KIAA1217: variants seen among roughly 807,000 people sequenced by gnomAD.
The protein encoded by KIAA1217 is sickle tail protein homolog.
KIAA1217 carries 88 observed loss-of-function variants against 163.9 expected under a neutral mutation model. The ratio of observed to expected loss-of-function variants is 0.54; its 90% CI spans 0.45 to 0.64. The LOEUF is 0.64. Among genes scored for constraint, KIAA1217 ranks in the 30% least tolerant of loss-of-function variants. The pLI is 0.00. For synonymous variants in KIAA1217, 903 were observed against 923.1 expected (o/e 0.98, Z 0.39); for missense variants, 2,372 against 2,475.0 (o/e 0.96, Z 0.88).
intron 1 of KIAA1217, among the ~76,000 whole-genome samples, chr10:23,745,491 A>T (rs1285308602): frequency 6.6e-6 from 1 of 152,200 alleles, no homozygotes; most frequent in Non-Finnish European, 1.5e-5. Context: ...ACTGATTATC[A>T]TGGAGAAATT....
chr10:23,847,657 C>A (rs994966675), intron 1 of KIAA1217, among the ~76,000 whole-genome samples: 1 of 152,036 alleles, frequency 6.6e-6, no homozygotes, highest in African/African-American at 2.4e-5. Flanking sequence ...TTGATCTTTT[C>A]AAAAAATCAG....
chr10:24,330,718 C>T (rs1037169421), intron 2 of KIAA1217, among the ~76,000 whole-genome samples: 2 of 152,068 alleles, frequency 1.3e-5, no homozygotes, highest in African/African-American at 4.8e-5. Context: ...CAAGCTCAAG[C>T]AATCCTCCCA....
intron 2 of KIAA1217, chr10:24,158,793 A>G: frequency 2.2e-6 from 1 of 457,974 alleles, no homozygotes; most frequent in Admixed American, 2.6e-5. Context: ...GGCCGGTAGT[A>G]GAAGACCAAG....
At chr10:24,097,855 A>C (rs1230106359) in intron 2 of KIAA1217, among the ~76,000 whole-genome samples, 1 of 152,180 alleles carries the variant, frequency 6.6e-6, no homozygotes, top group Non-Finnish European at 1.5e-5. Flanking sequence ...CTTCAGGCAG[A>C]ATTGTGCCAA....
chr10:23,854,554 A>G (rs942440482), intron 1 of KIAA1217, among the ~76,000 whole-genome samples: 3 of 152,102 alleles, frequency 2.0e-5, no homozygotes, highest in Admixed American at 6.6e-5. Context: ...GCTGAGTTCA[A>G]TTCCTGGGTA....
chr10:24,043,830 C>T (rs1249396376), intron 2 of KIAA1217, among the ~76,000 whole-genome samples: 1 of 152,114 alleles, frequency 6.6e-6, no homozygotes, highest in African/African-American at 2.4e-5. Flanking sequence ...CTGACCTTTT[C>T]ATGGCGACCT....
intron 2 of KIAA1217, among the ~76,000 whole-genome samples, chr10:24,273,752 T>C (rs921946987): frequency 1.3e-5 from 2 of 151,026 alleles, no homozygotes; most frequent in African/African-American, 4.9e-5. Context: ...CTCGGGAGGC[T>C]TGAGGCTGGA....
intron 1 of KIAA1217, among the ~76,000 whole-genome samples, chr10:23,786,818 C>T (rs1564418440): frequency 6.6e-6 from 1 of 152,168 alleles, no homozygotes; most frequent in Non-Finnish European, 1.5e-5. Context: ...ACACTTTCTG[C>T]TTGTGCTACT....
Position 24,456,121 on chromosome 10 carries a change from A to G in KIAA1217, c.847-17107A>G, listed in dbSNP as rs116224272. ...GGCTTGTTGCAAACTCCCGAGCTCAAGTGATCCACCAGCCTCGGCCTCCCA... is the reference window on the plus strand; with the variant it reads ...GGCTTGTTGCAAACTCCCGAGCTCAGGTGATCCACCAGCCTCGGCCTCCCA... On this transcript the variant is annotated intron_variant, in intron 5 of 20. Transcript: ENST00000376454. Among the ~76,000 whole-genome samples, 592 of 152,296 alleles carry G rather than the reference A, an allele frequency of 3.9e-3. 3 individuals carry two copies. Among genetic ancestry groups the G allele is most frequent in the African/African-American group, 0.014 (569 of 41,568 alleles).
At chr10:24,143,928 A>T (rs1359700418) in intron 2 of KIAA1217, among the ~76,000 whole-genome samples, 1 of 152,184 alleles carries the variant, frequency 6.6e-6, no homozygotes, top group Non-Finnish European at 1.5e-5. Flanking sequence ...AGTTATGGGC[A>T]TGGCAGACAC....
At chr10:23,787,595 C>T (rs1588804670) in intron 1 of KIAA1217, among the ~76,000 whole-genome samples, 1 of 152,142 alleles carries the variant, frequency 6.6e-6, no homozygotes, top group South Asian at 2.1e-4. Context: ...TACTCAGAGG[C>T]TATGGGATGA....
rs1409004077 is a variant in KIAA1217 at position 24,400,958 on chromosome 10, A to AACACACACAC, written c.553+19894_553+19895insCACACACACA. On this transcript the variant is annotated intron_variant, in intron 3 of 20. Coordinates refer to ENST00000376454, the MANE Select transcript of KIAA1217 (RefSeq NM_019590.5). ...AAATAACACAAAATTCCAAGCAAGA[A>AACACACACAC]ACATACACACACACACACACACACA... 6.2e-4 allele frequency among the ~76,000 whole-genome samples: 56 copies of AACACACACAC among 89,836 alleles called. 1 individual carries two copies. The African/African-American group carries it at 6.9e-3, about 11-fold the overall frequency. The allele number at this position is 89,836 out of a possible 152,430, so 58.9% of individuals were successfully genotyped here.
At chr10:24,407,449 A>G (rs1456719067) in intron 3 of KIAA1217, among the ~76,000 whole-genome samples, 1 of 152,100 alleles carries the variant, frequency 6.6e-6, no homozygotes, top group Admixed American at 6.5e-5. Flanking sequence ...TCACACCATC[A>G]AGCTCAACTG....
chr10:24,479,906 T>C (rs771349271), intron 6 of KIAA1217, among the ~76,000 whole-genome samples: 3 of 152,180 alleles, frequency 2.0e-5, no homozygotes, highest in Admixed American at 2.0e-4. Context: ...ACTCACTACA[T>C]TGAGAACAGC....
chr10:24,501,726 CTTCTTTTTT>C (rs2067616073), intron 9 of KIAA1217, among the ~76,000 whole-genome samples, 181 bp downstream of exon 9: 1 of 111,528 alleles, frequency 9.0e-6, no homozygotes, highest in African/African-American at 3.1e-5. Context: ...TCTATAACCA[CTTCTTTTTT>C]TTTTTTTTTT....
intron 8 of KIAA1217, among the ~76,000 whole-genome samples, chr10:24,499,984 C>T (rs1480515074): frequency 6.6e-6 from 1 of 152,122 alleles, no homozygotes; most frequent in East Asian, 1.9e-4. Flanking sequence ...GGCTCATGAG[C>T]CACTTTGAGC....
Position 24,546,002 on chromosome 10 carries a change from C to A in KIAA1217, c.5510C>A (p.Ser1837Tyr). 1 of 1,614,182 alleles carries A rather than the reference C, an allele frequency of 6.2e-7. No individual in the cohort carries two copies. The highest frequency in any genetic ancestry group is 2.2e-5 in the East Asian group (1 of 44,880). ...CCTGCTACTAAACCATCGATTGCTT[C>A]TAACCCTCTCAGCCCCCAAACAGGA... is the stretch of plus-strand genomic sequence containing the variant. ...NPPATKPSIA[S>Y]NPLSPQTGPP... Residue 1837 changes from serine (S) to tyrosine (Y), a missense_variant, in exon 21 of 21, where the codon TCT (serine) becomes TAT (tyrosine). Around this residue, in one of 3 missense-constraint regions of KIAA1217, gnomAD observed 690 missense variants for 677.5 expected, o/e 1.02. Transcript: ENST00000376454.
At chr10:24,203,230 T>A (rs2067361347) in intron 2 of KIAA1217, among the ~76,000 whole-genome samples, 1 of 151,890 alleles carries the variant, frequency 6.6e-6, no homozygotes, top group Non-Finnish European at 1.5e-5. Context: ...CCTCCCCTTT[T>A]ATTCTTCATT....
chr10:23,892,589 A>G (rs1841461073), intron 1 of KIAA1217, among the ~76,000 whole-genome samples: 1 of 151,944 alleles, frequency 6.6e-6, no homozygotes, highest in African/African-American at 2.4e-5. Flanking sequence ...TATTAATGGC[A>G]TGCATTAAGT....
Sources: gnomAD v4.1 joint callset for allele counts (sites outside exome capture counted in the v4.1 genomes callset) on GRCh38, gnomAD v4.1.1 for gene constraint, gnomAD v4.1.1 regional missense constraint, MANE v1.5 for transcripts, NCBI Gene and HGNC (gene_info 2026-07-23, HGNC 2026-07-21) for gene names.